C3orf49: variants seen among roughly 807,000 people sequenced by gnomAD.
The protein encoded by C3orf49 is putative uncharacterized protein C3orf49.
In C3orf49, 27 loss-of-function variants were observed where a neutral mutation model predicts 13.3. The ratio of observed to expected loss-of-function variants is 2.02; its 90% CI spans 1.49 to 2.79. C3orf49 has a LOEUF of 2.79. Ranked by LOEUF, C3orf49 falls within the 30% of genes most tolerant of loss-of-function variation. The pLI is 0.00. For missense variants in C3orf49, 242 were observed against 134.2 expected, an observed-to-expected ratio of 1.80 and a Z score of -3.97; for synonymous variants, 87 against 47.6, an observed-to-expected ratio of 1.83 and a Z score of -3.40.
At chr3:63,790,768 T>C in the C3orf49 span, among the ~76,000 whole-genome samples, 3 of 152,332 alleles carry the variant, frequency 2.0e-5, no homozygotes, top group Middle Eastern at 0.01. Flanking sequence ...TCAGTGGCCT[T>C]TGTTTTTGAT....
intron 5 of C3orf49, among the ~76,000 whole-genome samples, chr3:63,839,965 T>C (rs1219745101): frequency 1.3e-5 from 2 of 152,198 alleles, no homozygotes; most frequent in East Asian, 1.9e-4. Context: ...TTTATGTTAT[T>C]GTATATAATA....
chr3:63,819,041 T>C (rs150907989), upstream of C3orf49, among the ~76,000 whole-genome samples: 1 of 152,366 alleles, frequency 6.6e-6, no homozygotes, highest in East Asian at 1.9e-4. Flanking sequence ...CCCTACCACT[T>C]CAGAGTTCAA....
the C3orf49 span, among the ~76,000 whole-genome samples, chr3:63,800,626 C>G: frequency 5.9e-3 from 896 of 152,240 alleles, 6 homozygotes; most frequent in Non-Finnish European, 8.3e-3. Flanking sequence ...ACTTTATCAT[C>G]ATTTCCATTT....
At chr3:63,846,112 G>A (rs999093596) in intron 6 of C3orf49, 2 of 382,658 alleles carry the variant, frequency 5.2e-6, no homozygotes, top group Non-Finnish European at 1.1e-5. Context: ...ACCAAGGATG[G>A]TAAAACTGAT....
chr3:63,844,672 G>A (rs1039667841), intron 5 of C3orf49, among the ~76,000 whole-genome samples: 1 of 152,058 alleles, frequency 6.6e-6, no homozygotes, highest in Non-Finnish European at 1.5e-5. Context: ...CTGATAAAAG[G>A]GTGAGTTCAG....
the C3orf49 span, among the ~76,000 whole-genome samples, chr3:63,807,097 G>A: frequency 2.6e-5 from 4 of 151,850 alleles, no homozygotes; most frequent in East Asian, 1.9e-4. Flanking sequence ...GACTACAGGC[G>A]CCCACCACCA....
At chr3:63,814,610 G>A (rs1414599644), upstream of C3orf49, among the ~76,000 whole-genome samples, 1 of 152,098 alleles carries the variant, frequency 6.6e-6, no homozygotes, top group Middle Eastern at 3.2e-3. Context: ...TGGCTTTTCA[G>A]AGGGACATTT....
chr3:63,834,125 A>G, intron 5 of C3orf49: 1 of 1,613,920 alleles, frequency 6.2e-7, no homozygotes, highest in Non-Finnish European at 8.5e-7. Flanking sequence ...GTGGGCAATT[A>G]GCCTGTCTAT....
chr3:63,803,856 G>A, the C3orf49 span, among the ~76,000 whole-genome samples: 1 of 151,886 alleles, frequency 6.6e-6, no homozygotes, highest in African/African-American at 2.4e-5. Context: ...TTATTACATT[G>A]TAATATATAA....
At chr3:63,786,128 C>G in the C3orf49 span, 1 of 152,090 alleles carries the variant, frequency 6.6e-6, no homozygotes, top group African/African-American at 2.4e-5. Flanking sequence ...AACTACTTCC[C>G]TGGCCTGATT....
chr3:63,811,424 G>C, the C3orf49 span, among the ~76,000 whole-genome samples: 1 of 151,948 alleles, frequency 6.6e-6, no homozygotes, highest in Non-Finnish European at 1.5e-5. Flanking sequence ...CGAGCATGGG[G>C]GCGGAGGCCT....
the C3orf49 span, among the ~76,000 whole-genome samples, chr3:63,785,617 T>C: frequency 1.3e-5 from 2 of 152,182 alleles, no homozygotes; most frequent in Admixed American, 6.5e-5. Context: ...AGATGGCATG[T>C]GTGTGCATTA....
In C3orf49 at chr3:63,823,230, A is replaced by G. The variant is rs1701421221; in HGVS notation, c.126-20A>G. Reference sequence around the variant, plus strand: ...TAACTTTTCAGTTTCCCTAATATGAACCATTTTTATTTTGTTTAGATGGCA... The same window carrying G: ...TAACTTTTCAGTTTCCCTAATATGAGCCATTTTTATTTTGTTTAGATGGCA... On this transcript the variant is annotated intron_variant, in intron 1 of 6. Coordinates refer to ENST00000295896, the MANE Select transcript of C3orf49 (RefSeq NM_001355236.2). The G allele has an allele frequency of 3.0e-6, 2 of 667,042 alleles. No individual in the cohort carries two copies. The highest frequency in any genetic ancestry group is 3.6e-5 in the African/African-American group (2 of 55,726). 41.3% of individuals were successfully genotyped at this position (667,042 alleles called of 1,614,324 possible). A position where few individuals can be genotyped will look rare whatever the true frequency, so the allele number is the denominator to read the frequency against.
chr3:63,831,284 A>G, intron 4 of C3orf49, 61 bp downstream of exon 4: 1 of 686,478 alleles, frequency 1.5e-6, no homozygotes, highest in Non-Finnish European at 2.6e-6. Flanking sequence ...AGGCTTAAGT[A>G]AACGCACAGC....
chr3:63,834,854 T>C (rs1205206058), intron 5 of C3orf49, among the ~76,000 whole-genome samples: 23 of 152,154 alleles, frequency 1.5e-4, no homozygotes, highest in Non-Finnish European at 1.5e-5. Context: ...GCCTGGGTCC[T>C]GAGTTGTTAT....
chr3:63,818,639 AGAG>A (rs1701350673), upstream of C3orf49, among the ~76,000 whole-genome samples: 1 of 152,246 alleles, frequency 6.6e-6, no homozygotes, highest in Non-Finnish European at 1.5e-5. Flanking sequence ...GAACCTTTCT[AGAG>A]GAGTTTTTCT....
chr3:63,811,548 G>A, the C3orf49 span, among the ~76,000 whole-genome samples: 1 of 146,398 alleles, frequency 6.8e-6, no homozygotes, highest in Non-Finnish European at 1.5e-5. Flanking sequence ...ACAGAGCAAG[G>A]CTCTGTGTCA....
the C3orf49 span, among the ~76,000 whole-genome samples, chr3:63,808,244 T>C: frequency 2.8e-4 from 42 of 152,366 alleles, no homozygotes; most frequent in African/African-American, 8.9e-4. Context: ...CTATGATTTG[T>C]CATTCATTCT....
chr3:63,810,646 G>C, the C3orf49 span, among the ~76,000 whole-genome samples: 1 of 152,112 alleles, frequency 6.6e-6, no homozygotes, highest in Admixed American at 6.5e-5. Context: ...ATCTGTATTC[G>C]ATGGTGTCTT....
Sources: gnomAD v4.1 joint callset for allele counts (sites outside exome capture counted in the v4.1 genomes callset) on GRCh38, gnomAD v4.1.1 for gene constraint, MANE v1.5 for transcripts, NCBI Gene and HGNC (gene_info 2026-07-23, HGNC 2026-07-21) for gene names.